The following SOCS7 variants were observed in gnomAD, a reference collection of about 807,000 sequenced individuals.
SOCS7 encodes the protein NAP-4.
Under a neutral mutation model 58.9 loss-of-function variants are expected in SOCS7, and 18 were observed. That is an observed-to-expected ratio of 0.31 (90% CI 0.21 to 0.45). SOCS7 has a LOEUF of 0.45. Ranked by LOEUF, SOCS7 falls within the 20% of genes least tolerant of loss-of-function variation. The pLI is 1.00. For missense variants in SOCS7, 667 were observed against 837.3 expected (o/e 0.80, Z 2.51); for synonymous variants, 388 against 364.3 (o/e 1.06, Z -0.74).
In SOCS7 at chr17:38,352,437, C is replaced by T; in HGVS notation, c.385C>T (p.Leu129Phe). The T allele has an allele frequency of 6.9e-7, 1 of 1,457,656 alleles. No individual in the cohort carries two copies. The highest frequency in any genetic ancestry group is 9.0e-7 in the Non-Finnish European group (1 of 1,108,438). 90.3% of individuals were successfully genotyped at this position (1,457,656 alleles called of 1,614,324 possible). A position where few individuals can be genotyped will look rare whatever the true frequency, so the allele number is the denominator to read the frequency against. ...AGAGGCGCAGTTGGCGGCTCTGGGG[C>T]TCGGGCAGCCGGCGGGGCCGGGGGT... ...GLEAQLAALG[L>F]GQPAGPGVKT... The change falls in exon 1 of 10, where the codon CTC becomes TTC. Residue 129 changes from leucine to phenylalanine, a missense_variant. By Grantham distance (22) the Leu-to-Phe change is conservative (BLOSUM62 0). Around this residue, in one of 9 missense-constraint regions of SOCS7, gnomAD observed 154 missense variants for 156.3 expected, o/e 0.98. Transcript: ENST00000612932. This position sits in a 1 kb window ranked among gnomAD's most constrained non-coding sequence, Gnocchi z 5.5.
At position 38,405,384 on chromosome 17, in the gene SOCS7, A is replaced by AT. The variant is rs2038378429; in HGVS notation, c.*5903dup. ...TGGGGTGTCTGTATATACTGTATTA[A>AT]TAGGCATGTTTGACTCTCGTAAAGG... On this transcript the variant is annotated 3_prime_UTR_variant, in exon 10 of 10. Coordinates refer to ENST00000612932, the MANE Select transcript of SOCS7 (RefSeq NM_014598.4). 1 of 152,072 alleles carries AT rather than the reference A, an allele frequency of 6.6e-6. No individual in the cohort carries two copies. The highest frequency in any genetic ancestry group is 1.5e-5 in the Non-Finnish European group (1 of 68,024). 9.4% of individuals were successfully genotyped at this position (152,072 alleles called of 1,614,324 possible).
chr17:38,354,941 T>C (rs2037614382), intron 1 of SOCS7, among the ~76,000 whole-genome samples: 1 of 152,180 alleles, frequency 6.6e-6, no homozygotes, highest in Non-Finnish European at 1.5e-5. Flanking sequence ...TTAATGGTCA[T>C]TGGCTGCTCT....
chr17:38,389,948 GTCTC>G (rs775269683), intron 7 of SOCS7, among the ~76,000 whole-genome samples: 10 of 73,420 alleles, frequency 1.4e-4, no homozygotes, highest in Non-Finnish European at 2.0e-4. Context: ...GAGAGACAGA[GTCTC>G]TCTCTGTCAC....
chr17:38,374,327 T>C (rs750917852), intron 6 of SOCS7, among the ~76,000 whole-genome samples: 1 of 152,198 alleles, frequency 6.6e-6, no homozygotes, highest in Non-Finnish European at 1.5e-5. Context: ...CACTTGAACC[T>C]GGAAGTTAGA....
intron 6 of SOCS7, among the ~76,000 whole-genome samples, chr17:38,371,349 A>G (rs2037861568): frequency 6.6e-6 from 1 of 150,688 alleles, no homozygotes; most frequent in South Asian, 2.1e-4. Flanking sequence ...ATCTCAGCTC[A>G]CTGCAAGCTC....
intron 4 of SOCS7, chr17:38,365,962 C>G (rs1411476431): frequency 3.7e-6 from 4 of 1,085,716 alleles, no homozygotes; most frequent in African/African-American, 3.3e-5. Flanking sequence ...CTTATCGGCA[C>G]TTCACTTCGA....
intron 7 of SOCS7, among the ~76,000 whole-genome samples, chr17:38,385,758 T>C (rs978441047): frequency 6.6e-6 from 1 of 152,232 alleles, no homozygotes; most frequent in Non-Finnish European, 1.5e-5. Flanking sequence ...GATTTACTTA[T>C]TGAATAATTG....
chr17:38,374,020 AGGCCAGCCT>A (rs2037900247), intron 6 of SOCS7, among the ~76,000 whole-genome samples: 4 of 151,996 alleles, frequency 2.6e-5, no homozygotes, highest in African/African-American at 9.7e-5. Context: ...CAGGAGTTTG[AGGCCAGCCT>A]GGCCAACATG....
rs533459831 is a variant in SOCS7 at position 38,352,733 on chromosome 17, C to T, written c.681C>T (p.Pro227=). 6 of 1,550,024 alleles carry T rather than the reference C, an allele frequency of 3.9e-6. No individual in the cohort carries two copies. The highest frequency in any genetic ancestry group is 1.2e-5 in the South Asian group (1 of 84,048). ...QPPGPELPPV[P]FPLQDLVPLG... Reference sequence around the variant, plus strand: ...CAGGCCCTGAATTACCTCCGGTGCCCTTCCCGCTGCAGGACTTGGTCCCTC... The same window carrying T: ...CAGGCCCTGAATTACCTCCGGTGCCTTTCCCGCTGCAGGACTTGGTCCCTC... Residue 227 remains proline (P), a synonymous_variant, in exon 1 of 10, where the codon CCC becomes CCT. Transcript: ENST00000612932. This position sits in a 1 kb window ranked among gnomAD's most constrained non-coding sequence, Gnocchi z 5.5.
In SOCS7 at chr17:38,404,367, T is replaced by C. The variant is rs1176488765; in HGVS notation, c.*4885T>C. ...AGGTGTCGCTCAGTTTCTTCCTGTT[T>C]CCCTTCCTGTCCTCTCCACACCTGC... On this transcript the variant is annotated 3_prime_UTR_variant, in exon 10 of 10. Coordinates refer to ENST00000612932, the MANE Select transcript of SOCS7 (RefSeq NM_014598.4). The C allele has an allele frequency of 6.6e-6, 1 of 152,320 alleles. No individual in the cohort carries two copies. Among genetic ancestry groups the C allele is most frequent in the Non-Finnish European group, 1.5e-5 (1 of 68,122 alleles). 9.4% of individuals were successfully genotyped at this position (152,320 alleles called of 1,614,324 possible). A position where few individuals can be genotyped will look rare whatever the true frequency, so the allele number is the denominator to read the frequency against.
chr17:38,378,069 T>G (rs2037954420), intron 7 of SOCS7, among the ~76,000 whole-genome samples: 2 of 152,214 alleles, frequency 1.3e-5, no homozygotes, highest in African/African-American at 4.8e-5. Context: ...ATGAGAAAAC[T>G]GCTTCCACCT....
chr17:38,376,830 T>C (rs1317205482), intron 6 of SOCS7, among the ~76,000 whole-genome samples: 30 of 152,236 alleles, frequency 2.0e-4, no homozygotes, highest in Admixed American at 2.0e-3. Context: ...AGCAACATTT[T>C]GGTCAATGAT....
At chr17:38,376,261 G>C (rs1051333746) in intron 6 of SOCS7, among the ~76,000 whole-genome samples, 2 of 151,990 alleles carry the variant, frequency 1.3e-5, no homozygotes, top group African/African-American at 4.8e-5. Context: ...CATTCCATCG[G>C]GGTGCATATA....
Position 38,400,704 on chromosome 17 carries a change from C to T in SOCS7, c.*1222C>T, listed in dbSNP as rs1223237101. 1.3e-5 allele frequency: 2 copies of T among 152,148 alleles called. No homozygotes were observed. The highest frequency in any genetic ancestry group is 2.9e-5 in the Non-Finnish European group (2 of 68,024). 9.4% of individuals were successfully genotyped at this position (152,148 alleles called of 1,614,324 possible). A position where few individuals can be genotyped will look rare whatever the true frequency, so the allele number is the denominator to read the frequency against. ...TTCATTCTAGCAACCCAGACATTTC[C>T]GGATCAGATCCTGCTGGTCTCCACT... On this transcript the variant is annotated 3_prime_UTR_variant, in exon 10 of 10. Transcript: ENST00000612932.
rs2037558474 is a variant in SOCS7, at chr17:38,351,978, G to A, written c.-75G>A. 6.6e-6 allele frequency among the ~76,000 whole-genome samples: 1 copy of A among 151,120 alleles called. No homozygotes were observed. The highest frequency in any genetic ancestry group is 1.5e-5 in the Non-Finnish European group (1 of 67,646). On this transcript the variant is annotated 5_prime_UTR_variant, in exon 1 of 10. Transcript: ENST00000612932. Reference sequence around the variant, plus strand: ...TGTCGCTCCGGGGGCCGCGGCGGGCGGGGCTCCGGCGGGGCCCGGCCTAGT... The same window carrying A: ...TGTCGCTCCGGGGGCCGCGGCGGGCAGGGCTCCGGCGGGGCCCGGCCTAGT...
intron 7 of SOCS7, among the ~76,000 whole-genome samples, chr17:38,386,940 G>C (rs2038074729): frequency 1.3e-5 from 2 of 150,694 alleles, no homozygotes. Context: ...GAAAAAATTA[G>C]CTGGGCGTGG....
chr17:38,388,467 T>C (rs1035376519), intron 7 of SOCS7, among the ~76,000 whole-genome samples: 1 of 152,030 alleles, frequency 6.6e-6, no homozygotes, highest in Non-Finnish European at 1.5e-5. Context: ...TGCAGTAAGC[T>C]GAGATCACAC....
At chr17:38,362,269 T>TA (rs1597686463) in intron 2 of SOCS7, among the ~76,000 whole-genome samples, 2 of 152,254 alleles carry the variant, frequency 1.3e-5, no homozygotes, top group African/African-American at 4.8e-5. Flanking sequence ...CTGCAGCTGT[T>TA]AGACTTCTTT....
chr17:38,360,626 G>A (rs1200022368), intron 1 of SOCS7, among the ~76,000 whole-genome samples: 4 of 151,922 alleles, frequency 2.6e-5, no homozygotes, highest in Non-Finnish European at 5.9e-5. Flanking sequence ...TGCAAGCTCC[G>A]CCTCCTGGGT....
Sources: allele counts gnomAD v4.1 joint callset (sites outside exome capture counted in the v4.1 genomes callset), GRCh38; gene constraint gnomAD v4.1.1; regional missense constraint gnomAD v4.1.1; non-coding constraint Gnocchi (gnomAD v3.1); transcripts MANE v1.5; gene names NCBI Gene and HGNC (gene_info 2026-07-23, HGNC 2026-07-21).